Variants in NCOR1 observed in about 807,000 individuals in gnomAD.
The protein encoded by NCOR1 is nuclear receptor corepressor 1, also known as protein phosphatase 1, regulatory subunit 109.
Under a neutral mutation model 288.1 loss-of-function variants are expected in NCOR1, and 63 were observed. The observed-to-expected ratio is 0.22, with a 90% CI of 0.18 to 0.27. NCOR1 has a LOEUF of 0.27. Among genes scored for constraint, NCOR1 ranks in the 10% least tolerant of loss-of-function variants. The pLI is 1.00. For synonymous variants in NCOR1, 1,007 were observed against 1,065.9 expected (o/e 0.94, Z 1.08); for missense variants, 2,397 against 3,019.2 (o/e 0.79, Z 4.83).
chr17:16,133,787 C>T lies in NCOR1; in HGVS notation c.1509+3524G>A, dbSNP rs148596578. Among the ~76,000 whole-genome samples, 429 of 152,308 alleles carry T rather than the reference C, an allele frequency of 2.8e-3. 3 individuals carry two copies. Among genetic ancestry groups the T allele is most frequent in the African/African-American group, 9.5e-3 (396 of 41,558 alleles). ...CCTCAAAACCTGCTCCTCCTTCAGT[C>T]ATGCCTGTCACAGCAAATGGCAACT... On this transcript the variant is annotated intron_variant, in intron 14 of 45. Coordinates refer to ENST00000268712, the MANE Select transcript of NCOR1 (RefSeq NM_006311.4).
intron 2 of NCOR1, 131 bp from the exon 3 acceptor site, chr17:16,186,818 A>G: frequency 1.3e-6 from 1 of 743,494 alleles, no homozygotes; most frequent in Non-Finnish European, 2.2e-6. Flanking sequence ...TCAATCCTTC[A>G]TTGATCTAAT....
chr17:16,089,438 C>A (rs925210841), intron 22 of NCOR1, among the ~76,000 whole-genome samples: 1 of 152,074 alleles, frequency 6.6e-6, no homozygotes, highest in Admixed American at 6.6e-5. Flanking sequence ...GAAAACAATT[C>A]TCTAAGGTTT....
intron 14 of NCOR1, among the ~76,000 whole-genome samples, chr17:16,136,893 C>T (rs1013456116): frequency 6.6e-6 from 1 of 151,578 alleles, no homozygotes; most frequent in Non-Finnish European, 1.5e-5. Flanking sequence ...AATCAGGTTC[C>T]AGGTTTTTGT....
intron 1 of NCOR1, among the ~76,000 whole-genome samples, chr17:16,199,563 C>T (rs2090478133): frequency 6.6e-6 from 1 of 152,150 alleles, no homozygotes; most frequent in African/African-American, 2.4e-5. Flanking sequence ...CACTCTAGTC[C>T]TGGCTCACTA....
intron 19 of NCOR1, among the ~76,000 whole-genome samples, chr17:16,107,285 C>A (rs757430962): frequency 5.9e-5 from 9 of 152,164 alleles, no homozygotes; most frequent in East Asian, 1.9e-4. Flanking sequence ...GCCCTACCCC[C>A]CAATGTAACT....
chr17:16,040,009 C>A, intron 43 of NCOR1: 1 of 390,448 alleles, frequency 2.6e-6, no homozygotes, highest in Non-Finnish European at 4.9e-6. Flanking sequence ...AGGCTGATCT[C>A]GAATTCCGAA....
intron 6 of NCOR1, 96 bp from the exon 7 acceptor site, chr17:16,153,491 A>C: frequency 1.4e-6 from 1 of 733,384 alleles, no homozygotes; most frequent in Non-Finnish European, 2.2e-6. Context: ...ACTAATCTAT[A>C]GATGAACTTA....
At chr17:16,167,485 T>C (rs1366197060) in intron 4 of NCOR1, among the ~76,000 whole-genome samples, 1 of 151,966 alleles carries the variant, frequency 6.6e-6, no homozygotes, top group East Asian at 1.9e-4. Flanking sequence ...GGATTCACAT[T>C]ATCTTGGGTT....
At chr17:16,185,008 CAAAAA>C (rs34725978) in intron 3 of NCOR1, among the ~76,000 whole-genome samples, 12 of 97,364 alleles carry the variant, frequency 1.2e-4, no homozygotes, top group African/African-American at 4.5e-4. Flanking sequence ...GAATCTTAAA[CAAAAA>C]AAAAAAAAAA....
chr17:16,033,143 C>G (rs890744329), intron 45 of NCOR1, among the ~76,000 whole-genome samples: 1 of 152,042 alleles, frequency 6.6e-6, no homozygotes, highest in Admixed American at 6.6e-5. Flanking sequence ...GTCGGGAGTT[C>G]AAGACCAGCC....
intron 4 of NCOR1, 81 bp downstream of exon 4, chr17:16,171,722 T>C: frequency 7.9e-7 from 1 of 1,268,944 alleles, no homozygotes; most frequent in Non-Finnish European, 1.0e-6. Flanking sequence ...AACTGGACTT[T>C]CTTTGAGGTG....
At chr17:16,056,671 T>G (rs961554179) in intron 40 of NCOR1, among the ~76,000 whole-genome samples, 1 of 152,120 alleles carries the variant, frequency 6.6e-6, no homozygotes, top group African/African-American at 2.4e-5. Context: ...AATTTAACAT[T>G]TGCTAATATT....
chr17:16,052,951 A>C (rs892697284), intron 40 of NCOR1, among the ~76,000 whole-genome samples: 3 of 151,994 alleles, frequency 2.0e-5, no homozygotes, highest in Admixed American at 2.0e-4. Flanking sequence ...AATATACACA[A>C]ATATCAATAG....
intron 17 of NCOR1, 77 bp downstream of exon 17, chr17:16,119,346 T>C (rs1184025388): frequency 9.6e-6 from 10 of 1,045,304 alleles, no homozygotes; most frequent in Middle Eastern, 4.2e-4. Flanking sequence ...TTAAAACAAT[T>C]AGTTCCATCT....
chr17:16,076,496 A>G (rs916928649), intron 26 of NCOR1, among the ~76,000 whole-genome samples: 1 of 152,236 alleles, frequency 6.6e-6, no homozygotes, highest in Non-Finnish European at 1.5e-5. Context: ...TCTTACAACT[A>G]CACGAGAAGT....
Position 16,163,660 on chromosome 17 carries a change from A to G in NCOR1, c.618+1319T>C, listed in dbSNP as rs540963661. 3.3e-5 allele frequency among the ~76,000 whole-genome samples: 5 copies of G among 152,344 alleles called. No homozygotes were observed. In the East Asian group the frequency reaches 7.7e-4, roughly 23 times the overall value. On this transcript the variant is annotated intron_variant, in intron 5 of 45. Transcript: ENST00000268712. ...ACCATATGCCCACTCCTAGATATATAAAGAAAATTGTAAAAATACGACCAC... is the reference window on the plus strand; with the variant it reads ...ACCATATGCCCACTCCTAGATATATGAAGAAAATTGTAAAAATACGACCAC...
At chr17:16,186,155 C>T (rs2086640092) in intron 3 of NCOR1, among the ~76,000 whole-genome samples, 1 of 152,162 alleles carries the variant, frequency 6.6e-6, no homozygotes, top group African/African-American at 2.4e-5. Flanking sequence ...AGATCAGTGA[C>T]TGGCAACCCT....
At chr17:16,086,186 T>C in intron 23 of NCOR1, 96 bp downstream of exon 23, 1 of 1,278,610 alleles carries the variant, frequency 7.8e-7, no homozygotes, top group Non-Finnish European at 1.1e-6. Context: ...AGATTATTAT[T>C]TATTACAACT....
At chr17:16,071,336 AATT>A in intron 30 of NCOR1, 70 bp downstream of exon 30, 1 of 1,537,620 alleles carries the variant, frequency 6.5e-7, no homozygotes, top group Non-Finnish European at 8.8e-7. Flanking sequence ...AACCACTTAT[AATT>A]ATTAAGTCAC....
Sources: gnomAD v4.1 joint callset for allele counts (sites outside exome capture counted in the v4.1 genomes callset) on GRCh38, gnomAD v4.1.1 for gene constraint, MANE v1.5 for transcripts, NCBI Gene and HGNC (gene_info 2026-07-23, HGNC 2026-07-21) for gene names.